Variants in RABGAP1L observed in about 807,000 individuals in gnomAD.
RABGAP1L encodes the protein rab GTPase-activating protein 1-like.
A neutral mutation model predicts 137.7 loss-of-function variants in RABGAP1L; 63 were observed. The ratio of observed to expected loss-of-function variants is 0.46; its 90% CI spans 0.37 to 0.56. The LOEUF is 0.56. RABGAP1L is among the 20% of genes least tolerant of loss of function. The pLI is 0.00. For missense variants in RABGAP1L, 1,095 were observed against 1,244.0 expected (o/e 0.88, Z 1.80); for synonymous variants, 431 against 433.7 (o/e 0.99, Z 0.08).
chr1:174,611,319 T>TCC (rs1671228036), intron 13 of RABGAP1L, among the ~76,000 whole-genome samples: 2 of 152,052 alleles, frequency 1.3e-5, no homozygotes, highest in African/African-American at 4.8e-5. Flanking sequence ...GGGAATCCTT[T>TCC]CCCCATTGCT....
At chr1:174,225,298 A>T (rs976039714) in intron 3 of RABGAP1L, among the ~76,000 whole-genome samples, 4 of 151,714 alleles carry the variant, frequency 2.6e-5, no homozygotes, top group Non-Finnish European at 5.9e-5. Context: ...ATTTTTATTC[A>T]TTACAGGTGT....
At chr1:174,197,673 G>T (rs753764356) in intron 1 of RABGAP1L, among the ~76,000 whole-genome samples, 3 of 151,986 alleles carry the variant, frequency 2.0e-5, no homozygotes, top group East Asian at 3.9e-4. Context: ...GGTTGCGGGC[G>T]CATGTAATCT....
intron 13 of RABGAP1L, among the ~76,000 whole-genome samples, chr1:174,454,156 G>T (rs1040600567): frequency 6.6e-6 from 1 of 151,964 alleles, no homozygotes; most frequent in Non-Finnish European, 1.5e-5. Flanking sequence ...CCAGCCACTC[G>T]GGAGGCTGAG....
Position 174,810,243 on chromosome 1 carries a change from T to G in RABGAP1L, c.2212-1589T>G, listed in dbSNP as rs947430455. On this transcript the variant is annotated intron_variant, in intron 18 of 25. Transcript: ENST00000681986. ...TGGGCATTGTTCTTGTTGCTGTGGATGTAGCAGTGTGAAAGACAGACAAAG... is the reference window on the plus strand; with the variant it reads ...TGGGCATTGTTCTTGTTGCTGTGGAGGTAGCAGTGTGAAAGACAGACAAAG... Among the ~76,000 whole-genome samples the G allele has an allele frequency of 1.1e-4, 17 of 152,206 alleles. 1 individual carries two copies. Among genetic ancestry groups the G allele is most frequent in the Admixed American group, 8.5e-4 (13 of 15,280 alleles).
chr1:174,985,004 G>T (rs1051369993), intron 24 of RABGAP1L, among the ~76,000 whole-genome samples: 1 of 152,180 alleles, frequency 6.6e-6, no homozygotes, highest in Non-Finnish European at 1.5e-5. Context: ...ATGTATTAAG[G>T]AACAGAGGAA....
At chr1:174,311,588 T>A (rs1274392810) in intron 11 of RABGAP1L, among the ~76,000 whole-genome samples, 2 of 152,198 alleles carry the variant, frequency 1.3e-5, no homozygotes, top group African/African-American at 4.8e-5. Flanking sequence ...CAATCCATGT[T>A]GTTGCAAATG....
chr1:174,763,389 G>A (rs1685390967), intron 18 of RABGAP1L, among the ~76,000 whole-genome samples: 2 of 150,162 alleles, frequency 1.3e-5, no homozygotes, highest in Non-Finnish European at 1.5e-5. Flanking sequence ...GGTGGCTCAC[G>A]CCTGTAATCC....
At chr1:174,437,996 C>T (rs573769716) in intron 13 of RABGAP1L, among the ~76,000 whole-genome samples, 1 of 152,064 alleles carries the variant, frequency 6.6e-6, no homozygotes, top group South Asian at 2.1e-4. Flanking sequence ...GAGAAATAAA[C>T]TCCTTTACAG....
At chr1:174,229,021 T>C (rs1172249785) in intron 3 of RABGAP1L, among the ~76,000 whole-genome samples, 2 of 151,896 alleles carry the variant, frequency 1.3e-5, no homozygotes, top group Non-Finnish European at 2.9e-5. Context: ...ATGAACAGTT[T>C]TTTTTTTTTA....
Position 174,815,197 on chromosome 1 carries a change from T to C in RABGAP1L, c.2340+3237T>C, listed in dbSNP as rs137868167. Among the ~76,000 whole-genome samples, 57 of 152,276 alleles carry C rather than the reference T, an allele frequency of 3.7e-4. No homozygotes were observed. In the Middle Eastern group the frequency reaches 0.01, roughly 27 times the overall value. ...ATGAGAGGCTGTAGATGACGAGGTG[T>C]TACAATGAATAATGGAAGTGCATGT... is the stretch of plus-strand genomic sequence containing the variant. On this transcript the variant is annotated intron_variant, in intron 19 of 25. Transcript: ENST00000681986.
chr1:174,846,305 T>G (rs965330383), intron 19 of RABGAP1L, among the ~76,000 whole-genome samples: 35 of 149,082 alleles, frequency 2.3e-4, no homozygotes, highest in Non-Finnish European at 3.9e-4. Flanking sequence ...TCTAGTTCTT[T>G]TAATTGTGAT....
At chr1:174,947,218 T>G (rs1189654577) in intron 19 of RABGAP1L, among the ~76,000 whole-genome samples, 1 of 117,604 alleles carries the variant, frequency 8.5e-6, no homozygotes, top group Non-Finnish European at 1.6e-5. Context: ...TTTTCTTTTT[T>G]TTTTTTTCAG....
At position 174,420,824 on chromosome 1, in the gene RABGAP1L, G is replaced by A. The variant is rs192275355; in HGVS notation, c.1710+26679G>A. On this transcript the variant is annotated intron_variant, in intron 13 of 25. Transcript: ENST00000681986. ...CGAGTAGCTGGGACTACAGGCGCCC[G>A]CCACCACGCCCGGCTAATTTTTTTG... Among the ~76,000 whole-genome samples, 583 of 151,960 alleles carry A rather than the reference G, an allele frequency of 3.8e-3. 15 individuals carry two copies. The highest frequency in any genetic ancestry group is 0.032 in the Admixed American group (491 of 15,262).
intron 13 of RABGAP1L, among the ~76,000 whole-genome samples, chr1:174,395,838 TAAAA>T (rs59466961): frequency 7.9e-6 from 1 of 125,872 alleles, no homozygotes. Flanking sequence ...ACCCTGTCTC[TAAAA>T]AAAAAAAAAA....
At chr1:174,519,090 TACAC>T (rs542053737) in intron 13 of RABGAP1L, among the ~76,000 whole-genome samples, 2 of 150,598 alleles carry the variant, frequency 1.3e-5, no homozygotes, top group African/African-American at 2.4e-5. Context: ...AATATATATA[TACAC>T]ACACACACAC....
At chr1:174,554,654 T>C (rs773834032) in intron 13 of RABGAP1L, among the ~76,000 whole-genome samples, 1 of 152,192 alleles carries the variant, frequency 6.6e-6, no homozygotes, top group African/African-American at 2.4e-5. Context: ...TAAAATAATA[T>C]CTCAATTTTA....
At chr1:174,770,727 T>G (rs555727087) in intron 18 of RABGAP1L, among the ~76,000 whole-genome samples, 13 of 152,366 alleles carry the variant, frequency 8.5e-5, no homozygotes. Flanking sequence ...TTTGCTCTTG[T>G]CTTTAATGAA....
intron 1 of RABGAP1L, among the ~76,000 whole-genome samples, chr1:174,176,514 A>G (rs1350768936): frequency 6.7e-6 from 1 of 149,482 alleles, no homozygotes; most frequent in Non-Finnish European, 1.5e-5. Flanking sequence ...GTTCAAGATT[A>G]GCCTGGGCAA....
intron 19 of RABGAP1L, among the ~76,000 whole-genome samples, chr1:174,847,117 G>A (rs529110277): frequency 5.5e-5 from 8 of 145,956 alleles, no homozygotes; most frequent in African/African-American, 1.0e-4. Flanking sequence ...GAGCCTATGT[G>A]TGTCTCTGCA....
Sources: allele counts gnomAD v4.1 joint callset (sites outside exome capture counted in the v4.1 genomes callset), GRCh38; gene constraint gnomAD v4.1.1; transcripts MANE v1.5; gene names NCBI Gene and HGNC (gene_info 2026-07-23, HGNC 2026-07-21).